Variants in MITF observed in about 807,000 individuals in gnomAD.
MITF encodes microphthalmia-associated transcription factor.
A neutral mutation model predicts 60.5 loss-of-function variants in MITF; 17 were observed. The observed-to-expected ratio is 0.28, with a 90% confidence interval of 0.19 to 0.42. The LOEUF is 0.42. Ranked by LOEUF, MITF falls within the 10% of genes least tolerant of loss-of-function variation. The probability of loss-of-function intolerance (pLI) is 1.00; values close to 1 mark genes in which losing one functional copy is unlikely to be tolerated. For synonymous variants in MITF, 260 were observed against 248.5 expected (o/e 1.05, Z -0.43); for missense variants, 622 against 683.5 (o/e 0.91, Z 1.00).
At chr3:69,834,299 C>G (rs1318636023) in intron 1 of MITF, among the ~76,000 whole-genome samples, 1 of 152,172 alleles carries the variant, frequency 6.6e-6, no homozygotes, top group Admixed American at 6.5e-5. Flanking sequence ...TGTTCACTAA[C>G]CTGTCCCTAT....
At position 69,939,332 on chromosome 3, in the gene MITF, T is replaced by C. The variant is rs1005952845; in HGVS notation, c.666+151T>C. ...AAAGCTAGGAACATTGCCATTTTCC[T>C]CATAGTATCTCATGATTAAATAATG... On this transcript the variant is annotated intron_variant, in intron 4 of 9. Transcript: ENST00000352241. 4.3e-6 allele frequency: 3 copies of C among 695,900 alleles called. No homozygotes were observed. In the African/African-American group the frequency reaches 5.4e-5, roughly 13 times the overall value. 43.1% of individuals were successfully genotyped at this position (695,900 alleles called of 1,614,324 possible). A position where few individuals can be genotyped will look rare whatever the true frequency, so the allele number is the denominator to read the frequency against.
At chr3:69,860,314 A>G (rs1249187283) in intron 1 of MITF, among the ~76,000 whole-genome samples, 1 of 152,228 alleles carries the variant, frequency 6.6e-6, no homozygotes, top group Non-Finnish European at 1.5e-5. Flanking sequence ...ATTGCTTAAA[A>G]ATTCACTTTA....
chr3:69,821,729 CT>C (rs1301539412), intron 1 of MITF, among the ~76,000 whole-genome samples: 1 of 130,862 alleles, frequency 7.6e-6, no homozygotes, highest in Non-Finnish European at 1.7e-5. Context: ...ACGGGATTTT[CT>C]TTTTAATTTT....
intron 2 of MITF, among the ~76,000 whole-genome samples, chr3:69,921,886 G>C (rs530666143): frequency 6.6e-6 from 1 of 152,316 alleles, no homozygotes; most frequent in East Asian, 1.9e-4. Context: ...AGGCTGTCTT[G>C]TGCATCGTAG....
chr3:69,749,228 G>A (rs1202216012), intron 1 of MITF, among the ~76,000 whole-genome samples: 1 of 152,168 alleles, frequency 6.6e-6, no homozygotes, highest in East Asian at 1.9e-4. Context: ...TAGAGATGGT[G>A]CTCTAAAACT....
rs189669780 is a variant in MITF at position 69,822,866 on chromosome 3, T to C, written c.105-56268T>C. ...CTCAACCCCGTCTTATTGAGTACTTTAGTTTGGTGTTTCCAAGGTTTATTT... is the reference window on the plus strand; with the variant it reads ...CTCAACCCCGTCTTATTGAGTACTTCAGTTTGGTGTTTCCAAGGTTTATTT... On this transcript the variant is annotated intron_variant, in intron 1 of 9. Coordinates refer to ENST00000352241, the MANE Select transcript of MITF (RefSeq NM_001354604.2). Among the ~76,000 whole-genome samples the C allele has an allele frequency of 1.0e-3, 155 of 152,178 alleles. 1 individual carries two copies. Among genetic ancestry groups the C allele is most frequent in the African/African-American group, 3.4e-3 (143 of 41,526 alleles).
At chr3:69,766,869 C>T (rs1020212381) in intron 1 of MITF, among the ~76,000 whole-genome samples, 1 of 152,174 alleles carries the variant, frequency 6.6e-6, no homozygotes, top group African/African-American at 2.4e-5. Context: ...ACCGTAGATA[C>T]AAGAGTTAAA....
At chr3:69,945,497 T>C (rs1301463350) in intron 5 of MITF, among the ~76,000 whole-genome samples, 2 of 152,186 alleles carry the variant, frequency 1.3e-5, no homozygotes, top group South Asian at 2.1e-4. Context: ...GTTAACTGTA[T>C]TTATCGGGAA....
intron 1 of MITF, among the ~76,000 whole-genome samples, chr3:69,820,311 C>T (rs2107042822): frequency 6.6e-6 from 1 of 152,212 alleles, no homozygotes; most frequent in South Asian, 2.1e-4. Context: ...TTGAGAGAAA[C>T]TTTACCAGGG....
rs200830148 is a variant in MITF at position 69,965,236 on chromosome 3, G to A, written c.1569G>A (p.Glu523=). 1.6e-3 allele frequency: 2,573 copies of A among 1,613,872 alleles called. 66 individuals carry two copies. In the South Asian group the frequency reaches 0.027, roughly 17 times the overall value. ...RRSSMSMEET[E]HTC ...GCAGTATGAGCATGGAAGAGACGGA[G>A]CACACTTGTTAGCGAATCCTCCCTG... The change falls in exon 10 of 10, where the codon GAG becomes GAA. Residue 523 remains glutamate (E), a synonymous_variant. Transcript: ENST00000352241.
chr3:69,822,002 C>T (rs534554682), intron 1 of MITF, among the ~76,000 whole-genome samples: 7 of 152,320 alleles, frequency 4.6e-5, no homozygotes, highest in Admixed American at 2.0e-4. Context: ...CTTGGCCTCT[C>T]AAAGTGGTGG....
At chr3:69,812,074 A>G (rs114777655) in intron 1 of MITF, among the ~76,000 whole-genome samples, 367 of 141,680 alleles carry the variant, frequency 2.6e-3, no homozygotes, top group Middle Eastern at 0.011. Flanking sequence ...TTTGAGTAGA[A>G]CATTAGATTA....
intron 1 of MITF, among the ~76,000 whole-genome samples, chr3:69,827,993 G>A (rs2063384041): frequency 6.6e-6 from 1 of 152,184 alleles, no homozygotes; most frequent in Non-Finnish European, 1.5e-5. Flanking sequence ...CAAAGTAAGA[G>A]TTGACTTCTG....
intron 1 of MITF, among the ~76,000 whole-genome samples, chr3:69,830,656 C>T (rs1016575731): frequency 6.6e-6 from 1 of 152,156 alleles, no homozygotes; most frequent in African/African-American, 2.4e-5. Context: ...TGCTGTATCC[C>T]CCACACTTTG....
chr3:69,830,390 G>A (rs1160749266), intron 1 of MITF, among the ~76,000 whole-genome samples: 3 of 152,124 alleles, frequency 2.0e-5, no homozygotes, highest in Non-Finnish European at 2.9e-5. Flanking sequence ...AGAGCTCATT[G>A]CCTCACCTCC....
At chr3:69,864,988 G>A (rs1351030571) in intron 1 of MITF, among the ~76,000 whole-genome samples, 1 of 152,062 alleles carries the variant, frequency 6.6e-6, no homozygotes, top group Non-Finnish European at 1.5e-5. Flanking sequence ...ACATATTTAT[G>A]TGATTATTTA....
chr3:69,751,191 T>G (rs2106769273), intron 1 of MITF, among the ~76,000 whole-genome samples: 1 of 152,370 alleles, frequency 6.6e-6, no homozygotes, highest in Middle Eastern at 3.4e-3. Context: ...ATGACCAAAC[T>G]GTTTTTCACA....
intron 2 of MITF, among the ~76,000 whole-genome samples, chr3:69,903,910 T>A (rs1306811428): frequency 1.3e-5 from 2 of 152,122 alleles, no homozygotes; most frequent in African/African-American, 4.8e-5. Context: ...AGAGCCTTTG[T>A]TTTTCCCGTT....
In MITF at chr3:69,936,729, G is replaced by A. The variant is rs771316323; in HGVS notation, c.355-1093G>A. On this transcript the variant is annotated intron_variant, in intron 2 of 9. Transcript: ENST00000352241. ...TGCCACCTAAAACATTGTTATGCTG[G>A]AAATGCTAGAATATAATCACTATCA... 1.9e-6 allele frequency: 3 copies of A among 1,613,566 alleles called. No individual in the cohort carries two copies. In the Admixed American group the frequency reaches 5.0e-5, roughly 27 times the overall value.
Sources: allele counts gnomAD v4.1 joint callset (sites outside exome capture counted in the v4.1 genomes callset), GRCh38; gene constraint gnomAD v4.1.1; transcripts MANE v1.5; gene names NCBI Gene and HGNC (gene_info 2026-07-23, HGNC 2026-07-21).